Variants in CCDC152 observed in about 807,000 individuals in gnomAD.
The protein encoded by CCDC152 is coiled-coil domain containing 152, also known as coiled-coil domain-containing protein 152.
Under a neutral mutation model 38.1 loss-of-function variants are expected in CCDC152, and 37 were observed. That is an observed-to-expected ratio of 0.97 (90% CI 0.75 to 1.28). The LOEUF (loss-of-function observed/expected upper bound fraction) is 1.28. Among genes scored for constraint, CCDC152 ranks in the 50% most tolerant of loss-of-function variants. CCDC152 has a pLI of 0.00. For synonymous variants in CCDC152, 83 were observed against 87.1 expected (o/e 0.95, Z 0.26); for missense variants, 259 against 292.1 (o/e 0.89, Z 0.83).
Position 42,801,005 on chromosome 5 carries a change from A to T in CCDC152, c.*1224A>T. On this transcript the variant is annotated 3_prime_UTR_variant, in exon 9 of 9. Transcript: ENST00000361970. ...CCAACTCTGAATCTGTGGGCAATTT[A>T]CAGAGTAATTGATTTATACATCTCT... is the stretch of plus-strand genomic sequence containing the variant. 1 of 1,614,146 alleles carries T rather than the reference A, an allele frequency of 6.2e-7. No homozygotes were observed. Among genetic ancestry groups the T allele is most frequent in the East Asian group, 2.2e-5 (1 of 44,878 alleles).
At position 42,782,132 on chromosome 5, in the gene CCDC152, T is replaced by C. The variant is rs532147565; in HGVS notation, c.328-1342T>C. On this transcript the variant is annotated intron_variant, in intron 5 of 8. Transcript: ENST00000361970. ...TCATCTTTCTCTCTATGCCTCCTCATAAAGCATACACTTACCATGGGTAAT... is the reference window on the plus strand; with the variant it reads ...TCATCTTTCTCTCTATGCCTCCTCACAAAGCATACACTTACCATGGGTAAT... Among the ~76,000 whole-genome samples the C allele has an allele frequency of 2.6e-4, 39 of 152,306 alleles. 1 individual carries two copies. The South Asian group carries it at 7.7e-3, about 30-fold the overall frequency.
At chr5:42,789,284 G>T (rs567777905) in intron 6 of CCDC152, among the ~76,000 whole-genome samples, 1 of 152,272 alleles carries the variant, frequency 6.6e-6, no homozygotes, top group South Asian at 2.1e-4. Flanking sequence ...TCTTCCTGTG[G>T]GCTCTCTGAC....
chr5:42,763,476 GAC>G lies in CCDC152; in HGVS notation c.193+932_193+933del, dbSNP rs74983794. ...TAGTCACTTTCTTTACTATAGTGAA[GAC>G]ACAGTATGGAAAGGGTGAGGGTAGG... On this transcript the variant is annotated intron_variant, in intron 3 of 8. Coordinates refer to ENST00000361970, the MANE Select transcript of CCDC152 (RefSeq NM_001134848.2). Among the ~76,000 whole-genome samples, 5,834 of 152,160 alleles carry G rather than the reference GAC, an allele frequency of 0.038. 599 individuals carry two copies. The East Asian group carries it at 0.45, about 12-fold the overall frequency.
At position 42,769,607 on chromosome 5, in the gene CCDC152, T is replaced by C; in HGVS notation, c.204T>C (p.Thr68=). The C allele has an allele frequency of 6.7e-7, 1 of 1,488,906 alleles. No individual in the cohort carries two copies. Among genetic ancestry groups the C allele is most frequent in the Non-Finnish European group, 8.9e-7 (1 of 1,118,766 alleles). The allele number at this position is 1,488,906 out of a possible 1,614,324, so 92.2% of individuals were successfully genotyped here. The change falls in exon 4 of 9, where the codon ACT becomes ACC. Residue 68 remains threonine, a synonymous_variant. Coordinates refer to ENST00000361970, the MANE Select transcript of CCDC152 (RefSeq NM_001134848.2). ...KEVSIKEECA[T]LHNIIKGLQQ... is the part of the protein sequence containing the mutation. ...TCTTTTATATTTCAGAATGTGCTACTCTTCATAATATAATAAAAGGGCTAC... is the reference window on the plus strand; with the variant it reads ...TCTTTTATATTTCAGAATGTGCTACCCTTCATAATATAATAAAAGGGCTAC...
At chr5:42,789,865 C>G (rs1209730861) in intron 6 of CCDC152, among the ~76,000 whole-genome samples, 1 of 152,050 alleles carries the variant, frequency 6.6e-6, no homozygotes. Context: ...AAACCTACAT[C>G]TGTAAAATTA....
chr5:42,759,967 A>G (rs187905228), intron 2 of CCDC152, among the ~76,000 whole-genome samples: 1 of 152,282 alleles, frequency 6.6e-6, no homozygotes, highest in East Asian at 1.9e-4. Context: ...GAGGTCACGA[A>G]CATATCCTTC....
At chr5:42,789,415 C>T (rs1219007659) in intron 6 of CCDC152, among the ~76,000 whole-genome samples, 1 of 152,152 alleles carries the variant, frequency 6.6e-6, no homozygotes, top group Non-Finnish European at 1.5e-5. Context: ...CCAGGGTGGT[C>T]TCGAATTCCC....
chr5:42,769,659 T>C lies in CCDC152; in HGVS notation c.256T>C (p.Leu86=). ...ACAGACCATTGAATATCAACAGAAT[T>C]TGAAAGGTAAGTTAGAAAAAAAAGT... The part of the protein sequence containing the change: ...LQQTIEYQQN[L]KGENEQLKIS... The change falls in exon 4 of 9, where the codon TTG becomes CTG. Residue 86 remains leucine (L), a synonymous_variant. Transcript: ENST00000361970. 1 of 1,483,312 alleles carries C rather than the reference T, an allele frequency of 6.7e-7. No homozygotes were observed. Among genetic ancestry groups the C allele is most frequent in the South Asian group, 1.4e-5 (1 of 72,596 alleles). The allele number at this position is 1,483,312 out of a possible 1,614,324, so 91.9% of individuals were successfully genotyped here. A position where few individuals can be genotyped will look rare whatever the true frequency, so the allele number is the denominator to read the frequency against.
intron 3 of CCDC152, among the ~76,000 whole-genome samples, chr5:42,767,226 C>T (rs941445040): frequency 6.6e-6 from 1 of 151,964 alleles, no homozygotes; most frequent in African/African-American, 2.4e-5. Context: ...ATTTATTCAA[C>T]AACAAAGAAT....
chr5:42,791,017 T>C (rs1039112332), intron 6 of CCDC152, among the ~76,000 whole-genome samples: 28 of 152,180 alleles, frequency 1.8e-4, no homozygotes, highest in African/African-American at 6.3e-4. Context: ...CCTCTCTTCC[T>C]AAAGGGATAC....
intron 2 of CCDC152, among the ~76,000 whole-genome samples, chr5:42,761,230 G>A (rs2111934955): frequency 6.6e-6 from 1 of 152,274 alleles, no homozygotes; most frequent in South Asian, 2.1e-4. Flanking sequence ...ACAAAAAGTA[G>A]AATATGGCCT....
intron 4 of CCDC152, among the ~76,000 whole-genome samples, chr5:42,774,772 A>C (rs1249669060): frequency 3.9e-5 from 6 of 152,210 alleles, no homozygotes; most frequent in Non-Finnish European, 1.5e-5. Context: ...AAAAATAGGC[A>C]GTTTGAAGAG....
Position 42,801,620 on chromosome 5 carries a change from A to G in CCDC152, c.*1839A>G. ...AAAGTCAAAGTAATATCAAATCCTA[A>G]ATTCAGTTGATCTGGGCCGAGCATG... On this transcript the variant is annotated 3_prime_UTR_variant, in exon 9 of 9. Coordinates refer to ENST00000361970, the MANE Select transcript of CCDC152 (RefSeq NM_001134848.2). 1 of 426,594 alleles carries G rather than the reference A, an allele frequency of 2.3e-6. No individual in the cohort carries two copies. Among genetic ancestry groups the G allele is most frequent in the Admixed American group, 4.1e-5 (1 of 24,688 alleles). 26.4% of individuals were successfully genotyped at this position (426,594 alleles called of 1,614,324 possible). A position where few individuals can be genotyped will look rare whatever the true frequency, so the allele number is the denominator to read the frequency against.
At chr5:42,774,653 C>T (rs1021565958) in intron 4 of CCDC152, among the ~76,000 whole-genome samples, 1 of 152,118 alleles carries the variant, frequency 6.6e-6, no homozygotes, top group Admixed American at 6.5e-5. Flanking sequence ...AAGACTGAGA[C>T]CTAATCATAG....
chr5:42,766,003 A>T (rs1244382894), intron 3 of CCDC152, among the ~76,000 whole-genome samples: 1 of 152,218 alleles, frequency 6.6e-6, no homozygotes, highest in African/African-American at 2.4e-5. Context: ...AAATATTTGC[A>T]AACTACCCCT....
In CCDC152 at chr5:42,801,100, C is replaced by A; in HGVS notation, c.*1319C>A. On this transcript the variant is annotated 3_prime_UTR_variant, in exon 9 of 9. Transcript: ENST00000361970. Reference sequence around the variant, plus strand: ...GGCATATCTCGGTTCTCTGGGTGACCCTGCCTATGCTGACCCTTGTGCTTA... The same window carrying A: ...GGCATATCTCGGTTCTCTGGGTGACACTGCCTATGCTGACCCTTGTGCTTA... The A allele has an allele frequency of 6.2e-7, 1 of 1,613,952 alleles. No homozygotes were observed. The highest frequency in any genetic ancestry group is 8.5e-7 in the Non-Finnish European group (1 of 1,179,992).
chr5:42,792,972 G>A (rs1760025449), intron 6 of CCDC152, among the ~76,000 whole-genome samples: 1 of 152,144 alleles, frequency 6.6e-6, no homozygotes, highest in African/African-American at 2.4e-5. Context: ...AGGAATGAAA[G>A]CATATGTCTA....
chr5:42,793,999 G>C (rs935185429), intron 6 of CCDC152, among the ~76,000 whole-genome samples: 1 of 152,172 alleles, frequency 6.6e-6, no homozygotes, highest in African/African-American at 2.4e-5. Flanking sequence ...TAAAAATAAA[G>C]TTTCACTGTA....
chr5:42,777,720 T>C (rs1759787234), intron 4 of CCDC152, among the ~76,000 whole-genome samples: 1 of 152,330 alleles, frequency 6.6e-6, no homozygotes, highest in Admixed American at 6.5e-5. Flanking sequence ...TTTAATACTT[T>C]GATATAATGC....
Sources: allele counts gnomAD v4.1 joint callset (sites outside exome capture counted in the v4.1 genomes callset), GRCh38; gene constraint gnomAD v4.1.1; transcripts MANE v1.5; gene names NCBI Gene and HGNC (gene_info 2026-07-23, HGNC 2026-07-21).